Variants in NOX4 observed in about 807,000 individuals in gnomAD.
NOX4 encodes the protein NADPH oxidase 4, also known as kidney oxidase-1.
NOX4 carries 69 observed loss-of-function variants against 87.6 expected under a neutral mutation model. The observed-to-expected ratio is 0.79, with a 90% CI of 0.65 to 0.96. The LOEUF (loss-of-function observed/expected upper bound fraction) is 0.96. NOX4 is among the 40% of genes least tolerant of loss of function. NOX4 has a pLI of 0.00. For synonymous variants in NOX4, 275 were observed against 238.2 expected (o/e 1.15, Z -1.42); for missense variants, 680 against 681.5 (o/e 1.00, Z 0.02).
chr11:89,328,363 T>C (rs1300579864), intron 17 of NOX4, among the ~76,000 whole-genome samples: 1 of 152,118 alleles, frequency 6.6e-6, no homozygotes, highest in Non-Finnish European at 1.5e-5. Context: ...TACAGGGCAA[T>C]GGGTTGTATT....
intron 5 of NOX4, among the ~76,000 whole-genome samples, chr11:89,441,928 A>G (rs1944471487): frequency 7.0e-6 from 1 of 142,660 alleles, no homozygotes; most frequent in Non-Finnish European, 1.5e-5. Flanking sequence ...AGTGCTTCAC[A>G]AAATAACATA....
chr11:89,375,566 C>G (rs894926718), intron 11 of NOX4, among the ~76,000 whole-genome samples: 9 of 152,150 alleles, frequency 5.9e-5, no homozygotes, highest in Non-Finnish European at 1.2e-4. Flanking sequence ...CCTCAACCTC[C>G]CAAACTGCTG....
chr11:89,530,363 G>A, the NOX4 span, among the ~76,000 whole-genome samples: 1 of 111,892 alleles, frequency 8.9e-6, no homozygotes, highest in Non-Finnish European at 1.9e-5. Flanking sequence ...TTTTTTTTGA[G>A]ATGGAGTCTC....
intron 2 of NOX4, among the ~76,000 whole-genome samples, chr11:89,465,445 A>G (rs1945641033): frequency 6.6e-6 from 1 of 152,204 alleles, no homozygotes; most frequent in Non-Finnish European, 1.5e-5. Flanking sequence ...CAATAAACAT[A>G]CATGTGCATG....
chr11:89,396,746 A>G (rs1197328295), intron 11 of NOX4, among the ~76,000 whole-genome samples: 2 of 152,194 alleles, frequency 1.3e-5, no homozygotes, highest in Admixed American at 1.3e-4. Flanking sequence ...TGGTAAAGGG[A>G]TCAATTCAGC....
chr11:89,565,345 T>C, the NOX4 span, among the ~76,000 whole-genome samples: 1 of 152,160 alleles, frequency 6.6e-6, no homozygotes, highest in Non-Finnish European at 1.5e-5. Flanking sequence ...TGTATTACCT[T>C]GCACCAACAT....
chr11:89,521,714 C>T, the NOX4 span, among the ~76,000 whole-genome samples: 8 of 151,788 alleles, frequency 5.3e-5, no homozygotes, highest in East Asian at 1.9e-4. Context: ...TTCTGCAAAG[C>T]GAAAGAAACA....
the NOX4 span, among the ~76,000 whole-genome samples, chr11:89,531,025 G>A: frequency 2.6e-5 from 4 of 152,074 alleles, no homozygotes; most frequent in African/African-American, 7.2e-5. Flanking sequence ...ACTCTGTGAC[G>A]CTCCCTTGTT....
chr11:89,486,019 C>T (rs1946575062), intron 2 of NOX4, among the ~76,000 whole-genome samples: 2 of 152,048 alleles, frequency 1.3e-5, no homozygotes, highest in African/African-American at 4.8e-5. Flanking sequence ...CCCAATAAAA[C>T]ATATTAATCC....
At chr11:89,419,517 C>T (rs1942973744) in intron 8 of NOX4, among the ~76,000 whole-genome samples, 1 of 151,594 alleles carries the variant, frequency 6.6e-6, no homozygotes, top group Non-Finnish European at 1.5e-5. Context: ...AAAAAATGTG[C>T]ACTGTAGAAT....
At chr11:89,380,362 T>A (rs1051401956) in intron 11 of NOX4, among the ~76,000 whole-genome samples, 18 of 151,942 alleles carry the variant, frequency 1.2e-4, no homozygotes, top group African/African-American at 4.4e-4. Flanking sequence ...CATTGAAGAG[T>A]GAGAACTGAA....
chr11:89,342,167 C>A lies in NOX4; in HGVS notation c.1244G>T (p.Ser415Ile), dbSNP rs200118468. The change falls in exon 14 of 18, where the codon AGT becomes ATT. Residue 415 changes from serine (S) to isoleucine (I), a missense_variant. By Grantham distance (142) the Ser-to-Ile change is moderately radical (BLOSUM62 -2). Coordinates refer to ENST00000263317, the MANE Select transcript of NOX4 (RefSeq NM_016931.5). ...ATAGTTCAGTGATTCCTCAAATGGA[C>A]TTCCAAAAGGACCATCAATATACAG... ...PKLYIDGPFG[S>I]PFEESLNYEV... is the part of the protein sequence containing the mutation. 3.7e-6 allele frequency: 6 copies of A among 1,613,130 alleles called. No individual in the cohort carries two copies. In the Admixed American group the frequency reaches 1.0e-4, roughly 27 times the overall value.
intron 11 of NOX4, among the ~76,000 whole-genome samples, chr11:89,381,969 C>T (rs1259178702): frequency 3.3e-5 from 5 of 152,088 alleles, no homozygotes; most frequent in African/African-American, 4.8e-5. Flanking sequence ...GCATTTTATC[C>T]GTGAACCCAA....
At chr11:89,403,806 T>C (rs538091417) in intron 8 of NOX4, among the ~76,000 whole-genome samples, 2 of 152,180 alleles carry the variant, frequency 1.3e-5, no homozygotes, top group African/African-American at 2.4e-5. Flanking sequence ...CAAAACTGTA[T>C]AATGATACTA....
intron 6 of NOX4, among the ~76,000 whole-genome samples, chr11:89,435,070 T>C (rs1944006811): frequency 6.6e-6 from 1 of 152,112 alleles, no homozygotes. Context: ...TGTATGTGTA[T>C]ATATGTATGT....
intron 17 of NOX4, among the ~76,000 whole-genome samples, chr11:89,330,415 G>A (rs1425622221): frequency 2.6e-5 from 4 of 151,986 alleles, no homozygotes; most frequent in African/African-American, 9.7e-5. Flanking sequence ...GATGTATACT[G>A]TAAACTTAGA....
chr11:89,573,107 T>G, the NOX4 span, among the ~76,000 whole-genome samples: 3 of 152,246 alleles, frequency 2.0e-5, no homozygotes, highest in African/African-American at 7.2e-5. Flanking sequence ...TCAAAGTATA[T>G]GCATTTTAAA....
the NOX4 span, among the ~76,000 whole-genome samples, chr11:89,528,124 G>GC: frequency 2.2e-4 from 33 of 152,296 alleles, no homozygotes; most frequent in African/African-American, 7.5e-4. Context: ...AGATTTTAAT[G>GC]CCCCACTGGA....
At chr11:89,560,189 A>T in the NOX4 span, among the ~76,000 whole-genome samples, 34 of 152,256 alleles carry the variant, frequency 2.2e-4, no homozygotes, top group African/African-American at 8.2e-4. Context: ...ATGCCATGTG[A>T]TGACAGAGAC....
Sources: gnomAD v4.1 joint callset for allele counts (sites outside exome capture counted in the v4.1 genomes callset) on GRCh38, gnomAD v4.1.1 for gene constraint, MANE v1.5 for transcripts, NCBI Gene and HGNC (gene_info 2026-07-23, HGNC 2026-07-21) for gene names.